Variants in SRPRA observed in about 807,000 individuals in gnomAD.
The protein encoded by SRPRA is SRP receptor subunit alpha.
Under a neutral mutation model 61.1 loss-of-function variants are expected in SRPRA, and 30 were observed. That is an observed-to-expected ratio of 0.49 (90% CI 0.37 to 0.67). The LOEUF is 0.67. SRPRA is among the 30% of genes least tolerant of loss of function. The pLI, the probability that SRPRA is intolerant of heterozygous loss-of-function variation, is 0.00. For missense variants in SRPRA, 759 were observed against 828.4 expected (o/e 0.92, Z 1.03); for synonymous variants, 324 against 299.7 (o/e 1.08, Z -0.84).
chr11:126,261,723 TCAGGCCTGTAATCC>T (rs1383128044), downstream of SRPRA, among the ~76,000 whole-genome samples: 3 of 152,180 alleles, frequency 2.0e-5, no homozygotes, highest in Non-Finnish European at 4.4e-5. Context: ...GTGTGGTGGC[TCAGGCCTGTAATCC>T]CAGCACTTTG....
At chr11:126,266,679 A>C (rs754914798) in intron 5 of SRPRA, 50 bp from the exon 6 acceptor site, 7 of 1,608,760 alleles carry the variant, frequency 4.4e-6, no homozygotes, top group Non-Finnish European at 5.9e-6. Context: ...TAGGAAAGGA[A>C]ACATGAGCCA....
rs1464552832 is a variant in SRPRA, at chr11:126,264,858, C to A, written c.1525+101G>T. ...CTGACTTTTTACTGTAATTGACCAACGAGTCTGTAGTAGCACAAGCCTGAT... is the reference window on the plus strand; with the variant it reads ...CTGACTTTTTACTGTAATTGACCAAAGAGTCTGTAGTAGCACAAGCCTGAT... On this transcript the variant is annotated intron_variant, in intron 11 of 13. Coordinates refer to ENST00000332118, the MANE Select transcript of SRPRA (RefSeq NM_003139.4). The surrounding 1 kb of genome is among the most constrained non-coding windows in gnomAD (Gnocchi z 5.0). 1 of 1,142,630 alleles carries A rather than the reference C, an allele frequency of 8.8e-7. No individual in the cohort carries two copies. The highest frequency in any genetic ancestry group is 1.6e-5 in the African/African-American group (1 of 64,044). 70.8% of individuals were successfully genotyped at this position (1,142,630 alleles called of 1,614,324 possible).
chr11:126,267,338 A>G lies in SRPRA; in HGVS notation c.366-3T>C, dbSNP rs767849705. The G allele has an allele frequency of 1.2e-6, 2 of 1,612,992 alleles. No homozygotes were observed. Among genetic ancestry groups the G allele is most frequent in the South Asian group, 1.1e-5 (1 of 90,736 alleles). ...TCTTACTGCTCTCCTCTGCTTCACT[A>G]AACAAAAAGGAGAATGGTTTATCTT... On this transcript the variant is annotated splice_polypyrimidine_tract_variant and splice_region_variant and intron_variant, in intron 3 of 13. Coordinates refer to ENST00000332118, the MANE Select transcript of SRPRA (RefSeq NM_003139.4). The surrounding 1 kb of genome is among the most constrained non-coding windows in gnomAD (Gnocchi z 4.2).
At chr11:126,249,743 A>AG in the SRPRA span, among the ~76,000 whole-genome samples, 1 of 150,006 alleles carries the variant, frequency 6.7e-6, no homozygotes, top group African/African-American at 2.5e-5. Context: ...AAAAAAAAAA[A>AG]AAAAAAAAAA....
the SRPRA span, among the ~76,000 whole-genome samples, chr11:126,247,074 C>T: frequency 2.6e-5 from 4 of 152,174 alleles, no homozygotes; most frequent in Non-Finnish European, 5.9e-5. Context: ...AAGAGGATCA[C>T]TTGAGGCCAG....
In SRPRA at chr11:126,266,255, C is replaced by T. The variant is rs1329729455; in HGVS notation, c.864G>A (p.Gly288=). ...INLIRGTGSG[G]QLQDLDCSSS... is the part of the protein sequence containing the mutation. ...TGCTGCAGTCCAGATCCTGAAGCTGCCCCCCAGACCCAGTCCCTCGAATCT... is the reference window on the plus strand; with the variant it reads ...TGCTGCAGTCCAGATCCTGAAGCTGTCCCCCAGACCCAGTCCCTCGAATCT... Residue 288 remains glycine, a synonymous_variant, in exon 7 of 14, where the codon GGG becomes GGA. Transcript: ENST00000332118. 3 of 1,613,966 alleles carry T rather than the reference C, an allele frequency of 1.9e-6. No individual in the cohort carries two copies. In the African/African-American group the frequency reaches 4.0e-5, roughly 22 times the overall value.
chr11:126,245,108 G>C, the SRPRA span: 1 of 152,212 alleles, frequency 6.6e-6, no homozygotes, highest in African/African-American at 2.4e-5. Flanking sequence ...TGGAGGGCTT[G>C]AGCCCAGGAG....
chr11:126,257,739 T>C, the SRPRA span, among the ~76,000 whole-genome samples: 5 of 152,168 alleles, frequency 3.3e-5, no homozygotes, highest in African/African-American at 9.7e-5. Flanking sequence ...TTATGTATTA[T>C]ATTTACAAAC....
Position 126,265,459 on chromosome 11 carries a change from G to A in SRPRA, c.1139-19C>T, listed in dbSNP as rs1390720935. Reference sequence around the variant, plus strand: ...GTCACCGCTGAAAGGGGAGGTGGAGGAGGTTGCAGCTGTGAAACTCAAGGA... The same window carrying A: ...GTCACCGCTGAAAGGGGAGGTGGAGAAGGTTGCAGCTGTGAAACTCAAGGA... On this transcript the variant is annotated intron_variant, in intron 9 of 13. Coordinates refer to ENST00000332118, the MANE Select transcript of SRPRA (RefSeq NM_003139.4). The surrounding 1 kb of genome is among the most constrained non-coding windows in gnomAD (Gnocchi z 6.3). The A allele has an allele frequency of 6.2e-7, 1 of 1,604,658 alleles. No homozygotes were observed. The highest frequency in any genetic ancestry group is 1.3e-5 in the African/African-American group (1 of 74,760).
rs759669363 is a variant in SRPRA at position 126,267,504 on chromosome 11, C to G, written c.365+45G>C. The G allele has an allele frequency of 1.6e-5, 25 of 1,610,686 alleles. No individual in the cohort carries two copies. The Middle Eastern group carries it at 5.0e-4, about 32-fold the overall frequency. The stretch of plus-strand genomic sequence containing the variant: ...TTTGAACCACCTTCAGAGAGGTCAT[C>G]AAATCATGGAAATAAATTGATTTTA... On this transcript the variant is annotated intron_variant, in intron 3 of 13. Coordinates refer to ENST00000332118, the MANE Select transcript of SRPRA (RefSeq NM_003139.4). The surrounding 1 kb of genome is among the most constrained non-coding windows in gnomAD (Gnocchi z 4.2).
chr11:126,251,085 C>T, the SRPRA span, among the ~76,000 whole-genome samples: 2 of 152,038 alleles, frequency 1.3e-5, no homozygotes, highest in East Asian at 3.9e-4. Context: ...TTTTTTATGG[C>T]ATCTATTGGA....
chr11:126,257,779 G>A, the SRPRA span, among the ~76,000 whole-genome samples: 1 of 152,042 alleles, frequency 6.6e-6, no homozygotes, highest in South Asian at 2.1e-4. Flanking sequence ...ATGCTATTTG[G>A]AAACGGATAA....
chr11:126,257,146 C>T, the SRPRA span, among the ~76,000 whole-genome samples: 2 of 152,032 alleles, frequency 1.3e-5, no homozygotes, highest in African/African-American at 2.4e-5. Context: ...TACAAAATAG[C>T]GAAGAAAGAT....
Position 126,267,925 on chromosome 11 carries a change from GC to G in SRPRA, c.201+77del. On this transcript the variant is annotated intron_variant, in intron 2 of 13. Transcript: ENST00000332118. This position sits in a 1 kb window ranked among gnomAD's most constrained non-coding sequence, Gnocchi z 4.2. ...TTCAGTTACGTCATCATATACACTG[GC>G]TGCAATTAATCAGAGTTCTCTTAAA... 1.3e-6 allele frequency: 2 copies of G among 1,495,560 alleles called. No homozygotes were observed. Among genetic ancestry groups the G allele is most frequent in the Non-Finnish European group, 1.9e-6 (2 of 1,074,300 alleles). 92.6% of individuals were successfully genotyped at this position (1,495,560 alleles called of 1,614,324 possible).
chr11:126,242,828 T>C, the SRPRA span, among the ~76,000 whole-genome samples: 1 of 152,214 alleles, frequency 6.6e-6, no homozygotes, highest in Non-Finnish European at 1.5e-5. Flanking sequence ...CTCAAAAAGT[T>C]GAACAGTGAT....
chr11:126,239,165 G>A, the SRPRA span, among the ~76,000 whole-genome samples: 28,138 of 151,534 alleles, frequency 0.19, 2,918 homozygotes, highest in Non-Finnish European at 0.25. Context: ...GGCAGAGATG[G>A]GGTCTCACTA....
the SRPRA span, among the ~76,000 whole-genome samples, chr11:126,253,630 A>C: frequency 6.6e-6 from 1 of 152,094 alleles, no homozygotes; most frequent in African/African-American, 2.4e-5. This position sits in a 1 kb window ranked among gnomAD's most constrained non-coding sequence, Gnocchi z 5.1. Context: ...GGGCTCAGTG[A>C]CTCAGCCAGG....
At chr11:126,266,684 G>A in intron 5 of SRPRA, 55 bp from the exon 6 acceptor site, 1 of 1,608,536 alleles carries the variant, frequency 6.2e-7, no homozygotes, top group East Asian at 2.2e-5. Context: ...AAGGAAACAT[G>A]AGCCAGAGAC....
Position 126,263,662 on chromosome 11 carries a change from A to AGG in SRPRA, c.*252_*253dup, listed in dbSNP as rs1950748753. Reference sequence around the variant, plus strand: ...AAGACTGAGTCTGTAGGCAGAGTGAAGGGGGTGCCTGAGTAGGAAGGGGGA... The same window carrying AGG: ...AAGACTGAGTCTGTAGGCAGAGTGAAGGGGGGGTGCCTGAGTAGGAAGGGGGA... On this transcript the variant is annotated 3_prime_UTR_variant, in exon 14 of 14. Coordinates refer to ENST00000332118, the MANE Select transcript of SRPRA (RefSeq NM_003139.4). 2.1e-6 allele frequency: 1 copy of AGG among 484,366 alleles called. No individual in the cohort carries two copies. The highest frequency in any genetic ancestry group is 1.9e-5 in the African/African-American group (1 of 51,316). 30.0% of individuals were successfully genotyped at this position (484,366 alleles called of 1,614,324 possible).
Sources: gnomAD v4.1 joint callset for allele counts (sites outside exome capture counted in the v4.1 genomes callset) on GRCh38, gnomAD v4.1.1 for gene constraint, Gnocchi (gnomAD v3.1) non-coding constraint, MANE v1.5 for transcripts, NCBI Gene and HGNC (gene_info 2026-07-23, HGNC 2026-07-21) for gene names.